The following TRAPPC9 variants were observed in gnomAD, a reference collection of about 807,000 sequenced individuals.
The protein encoded by TRAPPC9 is trafficking protein particle complex subunit 9, also known as IKK2 binding protein.
TRAPPC9 carries 83 observed loss-of-function variants against 124.0 expected under a neutral mutation model. The ratio of observed to expected loss-of-function variants is 0.67; its 90% confidence interval spans 0.56 to 0.80. TRAPPC9 has a LOEUF of 0.80. Among genes scored for constraint, TRAPPC9 ranks in the 30% least tolerant of loss-of-function variants. The pLI is 0.00. For synonymous variants in TRAPPC9, 638 were observed against 617.5 expected, an observed-to-expected ratio of 1.03 and a Z score of -0.49; for missense variants, 1,302 against 1,508.3, an observed-to-expected ratio of 0.86 and a Z score of 2.27.
At chr8:139,990,681 G>C (rs1837580746) in intron 18 of TRAPPC9, among the ~76,000 whole-genome samples, 1 of 152,070 alleles carries the variant, frequency 6.6e-6, no homozygotes. Context: ...CCACCTCCTG[G>C]GTTCAAGAGA....
At chr8:140,164,090 G>A (rs2130905756) in intron 17 of TRAPPC9, among the ~76,000 whole-genome samples, 1 of 152,292 alleles carries the variant, frequency 6.6e-6, no homozygotes, top group Middle Eastern at 3.4e-3. Context: ...GCACCCACAT[G>A]TACTCAGCAA....
chr8:139,850,483 T>C (rs1827374065), intron 21 of TRAPPC9, among the ~76,000 whole-genome samples: 1 of 152,218 alleles, frequency 6.6e-6, no homozygotes, highest in South Asian at 2.1e-4. Context: ...GAAACTGAGC[T>C]ACCTGTGACA....
At chr8:139,933,898 C>G (rs376426980) in intron 19 of TRAPPC9, 1 of 152,078 alleles carries the variant, frequency 6.6e-6, no homozygotes, top group Non-Finnish European at 1.5e-5. Context: ...AATAATGTCA[C>G]GAAGGATTAA....
chr8:139,740,882 G>A (rs779474213), intron 21 of TRAPPC9, among the ~76,000 whole-genome samples: 23 of 152,186 alleles, frequency 1.5e-4, no homozygotes, highest in Non-Finnish European at 2.8e-4. Context: ...TCTGGGCTCT[G>A]CCAAACACTG....
At chr8:139,884,201 C>G (rs1454034245) in intron 21 of TRAPPC9, among the ~76,000 whole-genome samples, 2 of 152,062 alleles carry the variant, frequency 1.3e-5, no homozygotes, top group Non-Finnish European at 1.5e-5. Context: ...AGAACAGTGT[C>G]AAGGGCAGTT....
chr8:139,756,479 G>A (rs1187293179), intron 21 of TRAPPC9, among the ~76,000 whole-genome samples: 2 of 131,340 alleles, frequency 1.5e-5, no homozygotes, highest in African/African-American at 6.0e-5. Context: ...GTTTGGGGAT[G>A]AGGACAGCAG....
At chr8:139,736,782 C>T (rs1284231761) in intron 21 of TRAPPC9, among the ~76,000 whole-genome samples, 1 of 152,192 alleles carries the variant, frequency 6.6e-6, no homozygotes, top group Non-Finnish European at 1.5e-5. Context: ...GCAGCAACAC[C>T]GGCCACATCC....
At chr8:139,958,992 C>A (rs1326823353) in intron 19 of TRAPPC9, among the ~76,000 whole-genome samples, 1 of 150,828 alleles carries the variant, frequency 6.6e-6, no homozygotes, top group African/African-American at 2.5e-5. Context: ...CGGGGGAGCA[C>A]TGCATTCCGA....
chr8:140,146,481 G>A (rs2061464454), intron 17 of TRAPPC9, among the ~76,000 whole-genome samples: 1 of 152,080 alleles, frequency 6.6e-6, no homozygotes, highest in Admixed American at 6.6e-5. Flanking sequence ...TGGGGAGGGT[G>A]GTATATGCAT....
intron 17 of TRAPPC9, among the ~76,000 whole-genome samples, chr8:140,215,721 G>A (rs377341019): frequency 9.9e-5 from 15 of 151,622 alleles, no homozygotes; most frequent in East Asian, 5.8e-4. Flanking sequence ...ACTTGGGCAA[G>A]TCTTCCCTAA....
intron 5 of TRAPPC9, among the ~76,000 whole-genome samples, chr8:140,407,333 G>C (rs1681011514): frequency 6.6e-6 from 1 of 151,522 alleles, no homozygotes. Flanking sequence ...TTTAATAAGT[G>C]ACAAGGAGTC....
intron 6 of TRAPPC9, 103 bp from the exon 7 acceptor site, chr8:140,397,848 C>G: frequency 6.8e-7 from 1 of 1,473,040 alleles, no homozygotes; most frequent in South Asian, 1.1e-5. Context: ...AACAGCACTT[C>G]CCCCATCACA....
chr8:139,919,898 G>A (rs529834407), intron 19 of TRAPPC9, among the ~76,000 whole-genome samples: 311 of 152,310 alleles, frequency 2.0e-3, no homozygotes, highest in African/African-American at 7.2e-3. Context: ...CTCCAGGCGC[G>A]GCATGGCACT....
chr8:140,208,718 G>A (rs765302599), intron 17 of TRAPPC9, among the ~76,000 whole-genome samples: 4 of 152,266 alleles, frequency 2.6e-5, no homozygotes, highest in Admixed American at 6.5e-5. Flanking sequence ...AGAGGTTCCT[G>A]TGGTATCCCA....
intron 14 of TRAPPC9, among the ~76,000 whole-genome samples, chr8:140,280,602 T>C (rs938246584): frequency 1.3e-5 from 2 of 151,914 alleles, no homozygotes; most frequent in African/African-American, 4.8e-5. Flanking sequence ...CTAATTTTTG[T>C]ATTTTTTTTT....
At chr8:139,769,932 T>C (rs1188794589) in intron 21 of TRAPPC9, among the ~76,000 whole-genome samples, 2 of 152,202 alleles carry the variant, frequency 1.3e-5, no homozygotes, top group Non-Finnish European at 2.9e-5. Flanking sequence ...GCAGTGAATA[T>C]GACACTTGTG....
At chr8:139,818,025 T>C (rs1420554254) in intron 21 of TRAPPC9, among the ~76,000 whole-genome samples, 1 of 152,234 alleles carries the variant, frequency 6.6e-6, no homozygotes, top group Non-Finnish European at 1.5e-5. Flanking sequence ...GCTAAGTAAT[T>C]GGGCATACAC....
At chr8:139,901,075 T>C (rs897854892) in intron 20 of TRAPPC9, among the ~76,000 whole-genome samples, 5 of 152,156 alleles carry the variant, frequency 3.3e-5, no homozygotes, top group African/African-American at 9.7e-5. Flanking sequence ...ATCCAAAGTC[T>C]ACAGAGCAAA....
At chr8:139,831,423 C>G (rs572883681) in intron 21 of TRAPPC9, among the ~76,000 whole-genome samples, 1 of 152,194 alleles carries the variant, frequency 6.6e-6, no homozygotes. Context: ...TACACACACT[C>G]TTCCCACGCA....
Sources: gnomAD v4.1 joint callset for allele counts (sites outside exome capture counted in the v4.1 genomes callset) on GRCh38, gnomAD v4.1.1 for gene constraint, MANE v1.5 for transcripts, NCBI Gene and HGNC (gene_info 2026-07-23, HGNC 2026-07-21) for gene names.